The following ECT2 variants were observed in gnomAD, a reference collection of about 807,000 sequenced individuals.
ECT2 encodes the protein epithelial cell transforming 2, also known as protein ECT2.
A neutral mutation model predicts 116.9 loss-of-function variants in ECT2; 61 were observed. That is an observed-to-expected ratio of 0.52 (90% confidence interval 0.42 to 0.65). The LOEUF (loss-of-function observed/expected upper bound fraction) is 0.65. ECT2 is among the 30% of genes least tolerant of loss of function. ECT2 has a pLI of 0.00. For missense variants in ECT2, 937 were observed against 1,078.7 expected (o/e 0.87, Z 1.84); for synonymous variants, 358 against 346.4 (o/e 1.03, Z -0.37).
chr3:172,805,968 C>G, intron 21 of ECT2, 99 bp downstream of exon 21: 1 of 1,258,888 alleles, frequency 7.9e-7, no homozygotes, highest in Non-Finnish European at 1.1e-6. Context: ...GGTAAATTAT[C>G]TTTAAATATA....
rs200116990 is a variant in ECT2 at position 172,805,881 on chromosome 3, G to A, written c.2245+12G>A. 3.5e-5 allele frequency: 56 copies of A among 1,609,364 alleles called. No individual in the cohort carries two copies. The highest frequency in any genetic ancestry group is 3.3e-4 in the Middle Eastern group (2 of 6,062). ...AAGAGAGACAGAAGGTATGCCGGTC[G>A]GATACATTCTTGGTTATATAAAAAT... On this transcript the variant is annotated intron_variant, in intron 21 of 24. Coordinates refer to ENST00000392692, the MANE Select transcript of ECT2 (RefSeq NM_001258315.2).
chr3:172,789,163 C>T (rs112671416), intron 18 of ECT2, among the ~76,000 whole-genome samples: 1 of 149,704 alleles, frequency 6.7e-6, no homozygotes, highest in Admixed American at 6.7e-5. Flanking sequence ...TTACCAGGGT[C>T]GTGGTTGCTG....
At chr3:172,775,626 G>A (rs1721506255) in intron 14 of ECT2, among the ~76,000 whole-genome samples, 1 of 150,878 alleles carries the variant, frequency 6.6e-6, no homozygotes. Flanking sequence ...AGTAGGTTTT[G>A]TGGGTTTTTT....
rs760519136 is a variant in ECT2, at chr3:172,761,693, T to C, written c.758+10T>C. 1 of 1,581,058 alleles carries C rather than the reference T, an allele frequency of 6.3e-7. No individual in the cohort carries two copies. The highest frequency in any genetic ancestry group is 8.7e-7 in the Non-Finnish European group (1 of 1,153,364). ...AAAGGCGGAATGAACAGTAAGTGTT[T>C]AGAAACTCAGTAGTTCATTATGTAA... is the stretch of plus-strand genomic sequence containing the variant. On this transcript the variant is annotated intron_variant, in intron 8 of 24. Transcript: ENST00000392692.
Position 172,756,962 on chromosome 3 carries a change from T to C in ECT2, c.304-21T>C, listed in dbSNP as rs552162498. Reference sequence around the variant, plus strand: ...TTGATATATAAATAATTTTTATTTCTGCTAACTATATGATGAAAAGGACAT... The same window carrying C: ...TTGATATATAAATAATTTTTATTTCCGCTAACTATATGATGAAAAGGACAT... On this transcript the variant is annotated intron_variant, in intron 4 of 24. Coordinates refer to ENST00000392692, the MANE Select transcript of ECT2 (RefSeq NM_001258315.2). 228 of 1,576,300 alleles carry C rather than the reference T, an allele frequency of 1.4e-4. 4 individuals are homozygous for C. The South Asian group carries it at 2.5e-3, about 18-fold the overall frequency.
chr3:172,809,464 C>T (rs1707363690), intron 22 of ECT2, among the ~76,000 whole-genome samples: 4 of 151,910 alleles, frequency 2.6e-5, no homozygotes, highest in South Asian at 2.1e-4. Flanking sequence ...TTCAGGTACT[C>T]GGTGACTTTG....
At chr3:172,779,828 G>A (rs919166712) in intron 14 of ECT2, among the ~76,000 whole-genome samples, 2 of 152,008 alleles carry the variant, frequency 1.3e-5, no homozygotes, top group East Asian at 3.9e-4. Flanking sequence ...CTTGAGCTTG[G>A]GTGGTTGAGG....
chr3:172,779,570 C>T (rs1312370886), intron 14 of ECT2, among the ~76,000 whole-genome samples: 2 of 152,094 alleles, frequency 1.3e-5, no homozygotes, highest in African/African-American at 4.8e-5. Flanking sequence ...AACAGCTTTA[C>T]TGAGGTACAT....
intron 20 of ECT2, among the ~76,000 whole-genome samples, chr3:172,803,610 G>A (rs1727115755): frequency 6.6e-6 from 1 of 152,120 alleles, no homozygotes; most frequent in Non-Finnish European, 1.5e-5. Flanking sequence ...GGGATAAAAA[G>A]AAGTGCGGTT....
At chr3:172,768,975 C>T in intron 12 of ECT2, 32 bp from the exon 13 acceptor site, 1 of 1,555,240 alleles carries the variant, frequency 6.4e-7, no homozygotes. Flanking sequence ...TATTTGGCTT[C>T]CATTAAATCT....
At chr3:172,816,978 A>G in intron 24 of ECT2, 141 bp downstream of exon 24, 2 of 591,438 alleles carry the variant, frequency 3.4e-6, no homozygotes, top group South Asian at 3.6e-5. Context: ...CTAAAATATT[A>G]TCATTTGAAT....
intron 18 of ECT2, among the ~76,000 whole-genome samples, chr3:172,789,629 T>C (rs1312258524): frequency 6.6e-6 from 1 of 152,206 alleles, no homozygotes; most frequent in African/African-American, 2.4e-5. Flanking sequence ...ACTGCAAAGT[T>C]GGGGTCACTT....
At chr3:172,801,104 T>A (rs921429667) in intron 18 of ECT2, among the ~76,000 whole-genome samples, 1 of 152,188 alleles carries the variant, frequency 6.6e-6, no homozygotes, top group Non-Finnish European at 1.5e-5. Flanking sequence ...CTAATTCACT[T>A]ATCTCTGTTT....
At chr3:172,759,757 T>G (rs1282993287) in intron 6 of ECT2, among the ~76,000 whole-genome samples, 1 of 152,198 alleles carries the variant, frequency 6.6e-6, no homozygotes, top group Non-Finnish European at 1.5e-5. Context: ...AAGTTCTTTC[T>G]TTGGTTCACA....
At position 172,820,846 on chromosome 3, in the gene ECT2, G is replaced by T. The variant is rs1385732206; in HGVS notation, c.*609G>T. The T allele has an allele frequency of 2.6e-5, 4 of 151,912 alleles. No individual in the cohort carries two copies. Among genetic ancestry groups the T allele is most frequent in the Non-Finnish European group, 5.9e-5 (4 of 67,850 alleles). 9.4% of individuals were successfully genotyped at this position (151,912 alleles called of 1,614,324 possible). ...ATTAACAAGAATAACATTTAAAGGA[G>T]ATTGTTTCAAAATATTTTTGCAAAT... On this transcript the variant is annotated 3_prime_UTR_variant, in exon 25 of 25. Coordinates refer to ENST00000392692, the MANE Select transcript of ECT2 (RefSeq NM_001258315.2).
Position 172,754,615 on chromosome 3 carries a change from A to T in ECT2, c.85A>T (p.Ile29Phe). The T allele has an allele frequency of 3.1e-6, 5 of 1,612,058 alleles. No homozygotes were observed. The highest frequency in any genetic ancestry group is 4.2e-6 in the Non-Finnish European group (5 of 1,178,718). Residue 29 changes from isoleucine to phenylalanine, a missense_variant, in exon 2 of 25, where the codon ATT (isoleucine) becomes TTT (phenylalanine). Physicochemically the swap from Ile to Phe is conservative, Grantham distance 21. Transcript: ENST00000392692. ...SSIFDSKVTE[I>F]SKENLLIGST... The stretch of plus-strand genomic sequence containing the variant: ...CATTTTTGATTCTAAAGTTACTGAG[A>T]TTTCCAAGGAAAACTTACTTATTGG...
At chr3:172,807,677 G>T in intron 21 of ECT2, 93 bp from the exon 22 acceptor site, 1 of 1,369,550 alleles carries the variant, frequency 7.3e-7, no homozygotes, top group South Asian at 1.5e-5. Flanking sequence ...TCATTTCATT[G>T]GAATTTCATT....
intron 18 of ECT2, among the ~76,000 whole-genome samples, chr3:172,799,556 C>G (rs1726337667): frequency 6.6e-6 from 1 of 152,126 alleles, no homozygotes; most frequent in African/African-American, 2.4e-5. Context: ...CCTTTTATTC[C>G]ACTAGTAACT....
chr3:172,816,056 ACTAT>A (rs1173307443), intron 23 of ECT2, among the ~76,000 whole-genome samples: 3 of 152,140 alleles, frequency 2.0e-5, no homozygotes, highest in South Asian at 4.1e-4. Flanking sequence ...AGGGGACCTG[ACTAT>A]CTATTCCTGA....
Sources: allele counts gnomAD v4.1 joint callset (sites outside exome capture counted in the v4.1 genomes callset), GRCh38; gene constraint gnomAD v4.1.1; transcripts MANE v1.5; gene names NCBI Gene and HGNC (gene_info 2026-07-23, HGNC 2026-07-21).